Variants in NXPE1 observed in about 807,000 individuals in gnomAD.
NXPE1 encodes the protein neurexophilin and PC-esterase domain family member 1, also known as NXPE family member 1.
A neutral mutation model predicts 33.3 loss-of-function variants in NXPE1; 31 were observed. The observed-to-expected ratio is 0.93, with a 90% confidence interval of 0.70 to 1.26. The LOEUF is 1.26. NXPE1 is among the 50% of genes most tolerant of loss of function. NXPE1 has a pLI of 0.00. For synonymous variants in NXPE1, 229 were observed against 231.4 expected (o/e 0.99, Z 0.09); for missense variants, 661 against 655.6 (o/e 1.01, Z -0.09).
chr11:114,544,034 C>T (rs758870404), intron 5 of NXPE1, among the ~76,000 whole-genome samples: 2 of 152,056 alleles, frequency 1.3e-5, no homozygotes, highest in African/African-American at 4.8e-5. Context: ...AAAATATATA[C>T]AGGATCTGTA....
chr11:114,544,061 A>G (rs1238281599), intron 5 of NXPE1, among the ~76,000 whole-genome samples: 1 of 152,216 alleles, frequency 6.6e-6, no homozygotes, highest in Non-Finnish European at 1.5e-5. Flanking sequence ...AAGCTGTGAA[A>G]CATTAATGGA....
intron 5 of NXPE1, among the ~76,000 whole-genome samples, chr11:114,531,625 C>G (rs1407151806): frequency 1.3e-5 from 2 of 152,186 alleles, no homozygotes; most frequent in African/African-American, 2.4e-5. Flanking sequence ...ATTTTCAACT[C>G]TACTTCTTGC....
intron 5 of NXPE1, among the ~76,000 whole-genome samples, chr11:114,535,446 G>A (rs1313390623): frequency 6.6e-6 from 1 of 152,136 alleles, no homozygotes; most frequent in East Asian, 1.9e-4. Flanking sequence ...AACCATAAAT[G>A]TAAATGCGCT....
At position 114,522,901 on chromosome 11, in the gene NXPE1, GT is replaced by G; in HGVS notation, c.1085del (p.Tyr362SerfsTer7). 6.2e-7 allele frequency: 1 copy of G among 1,612,720 alleles called. No individual in the cohort carries two copies. The highest frequency in any genetic ancestry group is 8.5e-7 in the Non-Finnish European group (1 of 1,178,804). ...TACTTTTTACAACTTTGGGGAAGTA[GT>G]AGATCCACTGACGTAGTGTAGAGTC... On this transcript the variant is annotated frameshift_variant, in exon 8 of 9. Transcript: ENST00000534921. LOFTEE classifies it low-confidence loss of function (END_TRUNC).
In NXPE1 at chr11:114,536,897, G is replaced by A. The variant is rs1051179299; in HGVS notation, c.100-5989C>T. Among the ~76,000 whole-genome samples the A allele has an allele frequency of 3.1e-4, 47 of 151,818 alleles. 1 individual carries two copies. Among genetic ancestry groups the A allele is most frequent in the Admixed American group, 7.2e-4 (11 of 15,226 alleles). ...ATTCCATCTGAAACTATTCCAATCA[G>A]TAGAAAACGGGAATCCTCCCTAACT... is the stretch of plus-strand genomic sequence containing the variant. On this transcript the variant is annotated intron_variant, in intron 5 of 8. Coordinates refer to ENST00000534921, the Ensembl canonical transcript of NXPE1.
At chr11:114,551,475 T>C (rs1948480833) in intron 3 of NXPE1, 34 bp from the exon 4 acceptor site, 33 of 1,097,682 alleles carry the variant, frequency 3.0e-5, no homozygotes, top group Non-Finnish European at 3.4e-5. Context: ...TTATAGGTTC[T>C]CTTAATGCCC....
chr11:114,537,281 C>G (rs1054439209), intron 5 of NXPE1, among the ~76,000 whole-genome samples: 1 of 152,150 alleles, frequency 6.6e-6, no homozygotes, highest in Non-Finnish European at 1.5e-5. Context: ...GGACATATCT[C>G]AAAATAATAA....
downstream of NXPE1, among the ~76,000 whole-genome samples, chr11:114,521,145 A>G (rs1046335130): frequency 6.6e-6 from 1 of 151,872 alleles, no homozygotes; most frequent in African/African-American, 2.4e-5. Context: ...TTTATCTATT[A>G]GGGTTATTGA....
At chr11:114,555,702 G>A (rs1297298829) in intron 1 of NXPE1, among the ~76,000 whole-genome samples, 1 of 152,092 alleles carries the variant, frequency 6.6e-6, no homozygotes, top group Non-Finnish European at 1.5e-5. Flanking sequence ...TTCTGGCCCC[G>A]GATAATCACA....
exon 9 of NXPE1, chr11:114,521,747 C>T (rs758883882): frequency 4.2e-5 from 19 of 457,796 alleles, no homozygotes; most frequent in East Asian, 6.6e-5. Flanking sequence ...ATATTTTAAA[C>T]GAGCATCAGA....
intron 1 of NXPE1, among the ~76,000 whole-genome samples, chr11:114,559,393 A>G (rs973087112): frequency 9.2e-5 from 14 of 152,232 alleles, no homozygotes; most frequent in African/African-American, 3.4e-4. Flanking sequence ...TGTCATACAT[A>G]AAACAAGGCA....
At chr11:114,550,140 C>T (rs1284547512) in intron 5 of NXPE1, among the ~76,000 whole-genome samples, 1 of 151,930 alleles carries the variant, frequency 6.6e-6, no homozygotes, top group African/African-American at 2.4e-5. Flanking sequence ...TTTAGTCTTC[C>T]AAGGTTAACT....
exon 9 of NXPE1, chr11:114,522,271 A>T (rs1345337083): frequency 6.2e-7 from 1 of 1,614,050 alleles, no homozygotes; most frequent in East Asian, 2.2e-5. Flanking sequence ...TAAAAATGTC[A>T]ATGGGAAATG....
In NXPE1 at chr11:114,551,239, C is replaced by A. The variant is rs754315616; in HGVS notation, c.-10-28G>T. The A allele has an allele frequency of 2.8e-6, 4 of 1,415,352 alleles. No individual in the cohort carries two copies. In the South Asian group the frequency reaches 3.7e-5, roughly 13 times the overall value. The allele number at this position is 1,415,352 out of a possible 1,614,324, so 87.7% of individuals were successfully genotyped here. On this transcript the variant is annotated intron_variant, in intron 4 of 8. Coordinates refer to ENST00000534921, the Ensembl canonical transcript of NXPE1. ...AGGAGAGATGACACAAGAGAGGAGT[C>A]GTGAGAAGTGAATCTCTCTGTACTC... is the stretch of plus-strand genomic sequence containing the variant.
intron 1 of NXPE1, among the ~76,000 whole-genome samples, chr11:114,558,374 T>C (rs2135147313): frequency 6.6e-6 from 1 of 152,264 alleles, no homozygotes; most frequent in South Asian, 2.1e-4. Flanking sequence ...GAAGTGGCCA[T>C]ATTGGGTACG....
At chr11:114,549,818 T>A (rs975467604) in intron 5 of NXPE1, among the ~76,000 whole-genome samples, 5 of 151,972 alleles carry the variant, frequency 3.3e-5, no homozygotes, top group Non-Finnish European at 5.9e-5. Context: ...TTGTTATTTA[T>A]CTGAAAAACC....
intron 1 of NXPE1, among the ~76,000 whole-genome samples, chr11:114,557,272 CTACTT>C (rs1243247092): frequency 6.6e-6 from 1 of 152,046 alleles, no homozygotes; most frequent in African/African-American, 2.4e-5. Context: ...GTTATAAAAA[CTACTT>C]TAATAATTTC....
downstream of NXPE1, among the ~76,000 whole-genome samples, chr11:114,521,214 T>G (rs1440775682): frequency 3.3e-5 from 5 of 152,244 alleles, no homozygotes; most frequent in African/African-American, 1.2e-4. Context: ...GTTGCCAATT[T>G]TCAAAATAAG....
intron 5 of NXPE1, among the ~76,000 whole-genome samples, chr11:114,537,805 T>C (rs1183957491): frequency 6.6e-6 from 1 of 151,806 alleles, no homozygotes; most frequent in Non-Finnish European, 1.5e-5. Flanking sequence ...TGGAAGAACA[T>C]TCCATGCTCA....
Sources: allele counts gnomAD v4.1 joint callset (sites outside exome capture counted in the v4.1 genomes callset), GRCh38; gene constraint gnomAD v4.1.1; transcripts MANE v1.5; gene names NCBI Gene and HGNC (gene_info 2026-07-23, HGNC 2026-07-21).